Variants in DNAAF5 observed in about 807,000 individuals in gnomAD.
DNAAF5 encodes the protein HEAT repeat containing 2.
Under a neutral mutation model 75.8 loss-of-function variants are expected in DNAAF5, and 64 were observed. The observed-to-expected ratio is 0.84, with a 90% CI of 0.69 to 1.04. DNAAF5 has a LOEUF of 1.04. Ranked by LOEUF, DNAAF5 falls within the 50% of genes least tolerant of loss-of-function variation. The pLI, the probability that DNAAF5 is intolerant of heterozygous loss-of-function variation, is 0.00. For synonymous variants in DNAAF5, 657 were observed against 557.2 expected (o/e 1.18, Z -2.52); for missense variants, 1,269 against 1,178.5 (o/e 1.08, Z -1.12).
intron 2 of DNAAF5, among the ~76,000 whole-genome samples, chr7:731,408 C>T (rs1256260998): frequency 2.0e-5 from 3 of 152,188 alleles, no homozygotes; most frequent in Non-Finnish European, 2.9e-5. Context: ...TAGCTGTAAA[C>T]GGTGTAACTC....
chr7:767,361 C>A (rs4720917), intron 8 of DNAAF5, among the ~76,000 whole-genome samples: 22 of 151,884 alleles, frequency 1.4e-4, no homozygotes, highest in African/African-American at 5.3e-4. Flanking sequence ...CCGTGGGACG[C>A]TGCGCATCTG....
At position 780,096 on chromosome 7, in the gene DNAAF5, C is replaced by A; in HGVS notation, c.2383C>A (p.Leu795Met). The change falls in exon 12 of 13, where the codon CTG becomes ATG. Residue 795 changes from leucine to methionine, a missense_variant. Leu to Met is a conservative substitution (Grantham distance 15). Coordinates refer to ENST00000297440, the MANE Select transcript of DNAAF5 (RefSeq NM_017802.4). Reference sequence around the variant, plus strand: ...TGTCCAGTACCTGTACCGAGAGTTGCTGGTTCACCTTGACGATCCAGAGAG... The same window carrying A: ...TGTCCAGTACCTGTACCGAGAGTTGATGGTTCACCTTGACGATCCAGAGAG... ...SSVQYLYRELLVHLDDPERAI... is the reference protein window; with the variant it reads ...SSVQYLYRELMVHLDDPERAI... The A allele has an allele frequency of 6.2e-7, 1 of 1,614,196 alleles. No individual in the cohort carries two copies. The highest frequency in any genetic ancestry group is 8.5e-7 in the Non-Finnish European group (1 of 1,180,020).
At chr7:747,640 G>T (rs1468760751) in intron 4 of DNAAF5, among the ~76,000 whole-genome samples, 1 of 149,912 alleles carries the variant, frequency 6.7e-6, no homozygotes, top group Non-Finnish European at 1.5e-5. Flanking sequence ...TGCAGTGGTG[G>T]CCCACAGTGT....
At chr7:764,047 A>T in intron 8 of DNAAF5, 73 bp downstream of exon 8, 2 of 1,518,504 alleles carry the variant, frequency 1.3e-6, no homozygotes, top group Non-Finnish European at 1.8e-6. Context: ...CCAGGTGCTC[A>T]GCAGGTACCA....
chr7:779,311 T>A (rs1391511657), intron 11 of DNAAF5, among the ~76,000 whole-genome samples: 1 of 152,182 alleles, frequency 6.6e-6, no homozygotes, highest in East Asian at 1.9e-4. Context: ...CCTCCCAGCG[T>A]CGGGAAGATG....
chr7:762,486 C>T (rs991692301), intron 7 of DNAAF5, among the ~76,000 whole-genome samples: 3 of 142,080 alleles, frequency 2.1e-5, no homozygotes, highest in Non-Finnish European at 3.1e-5. Flanking sequence ...AGCGAGACTC[C>T]GTCCAAAAAA....
intron 4 of DNAAF5, 69 bp downstream of exon 4, chr7:741,534 C>T: frequency 4.1e-6 from 4 of 964,580 alleles, no homozygotes; most frequent in Non-Finnish European, 6.4e-6. Context: ...GGCTTCTGAG[C>T]CTGAAGGAAG....
At chr7:753,253 C>G (rs993351539) in intron 4 of DNAAF5, among the ~76,000 whole-genome samples, 1 of 152,168 alleles carries the variant, frequency 6.6e-6, no homozygotes, top group Non-Finnish European at 1.5e-5. Flanking sequence ...CACAGAGGAG[C>G]GGGCACTAAA....
At position 785,722 on chromosome 7, in the gene DNAAF5, A is replaced by C. The variant is rs1417494009; in HGVS notation, c.*69A>C. The C allele has an allele frequency of 2.7e-3, 4,136 of 1,531,278 alleles. No individual in the cohort carries two copies. Among genetic ancestry groups the C allele is most frequent in the Non-Finnish European group, 3.4e-3 (3,777 of 1,121,202 alleles). 94.9% of individuals were successfully genotyped at this position (1,531,278 alleles called of 1,614,324 possible). A position where few individuals can be genotyped will look rare whatever the true frequency, so the allele number is the denominator to read the frequency against. ...CCAGAGTTTGTGGCCTTTAAATCTC[A>C]TAAACAAGGCACCTCTGTGCCAGCA... is the stretch of plus-strand genomic sequence containing the variant. On this transcript the variant is annotated 3_prime_UTR_variant, in exon 13 of 13. Coordinates refer to ENST00000297440, the MANE Select transcript of DNAAF5 (RefSeq NM_017802.4).
intron 2 of DNAAF5, among the ~76,000 whole-genome samples, chr7:734,941 T>G (rs1781689229): frequency 1.3e-5 from 2 of 149,588 alleles, no homozygotes; most frequent in South Asian, 2.2e-4. Context: ...GTTGCTCATA[T>G]TGTTGCTCAT....
intron 9 of DNAAF5, 59 bp downstream of exon 9, chr7:770,677 A>C: frequency 6.5e-7 from 1 of 1,539,032 alleles, no homozygotes; most frequent in Non-Finnish European, 8.9e-7. Flanking sequence ...AGGGGTCCCC[A>C]TCTCCCTCCC....
intron 12 of DNAAF5, among the ~76,000 whole-genome samples, chr7:782,253 C>CACG (rs1562404142): frequency 6.7e-6 from 1 of 149,976 alleles, no homozygotes; most frequent in Admixed American, 6.6e-5. Flanking sequence ...CTCGGATCTT[C>CACG]GCGGCGTGGC....
At position 726,941 on chromosome 7, in the gene DNAAF5, C is replaced by G; in HGVS notation, c.221C>G (p.Ala74Gly). 1.5e-6 allele frequency: 2 copies of G among 1,339,078 alleles called. No individual in the cohort carries two copies. The highest frequency in any genetic ancestry group is 1.7e-5 in the South Asian group (1 of 59,098). 82.9% of individuals were successfully genotyped at this position (1,339,078 alleles called of 1,614,324 possible). Residue 74 changes from alanine (A) to glycine (G), a missense_variant, in exon 1 of 13, where the codon GCG becomes GGG. By Grantham distance (60) the Ala-to-Gly change is moderately conservative. Transcript: ENST00000297440. Reference protein sequence around the residue: ...ADPTAFQGPWARLLLPRLLRC... With the variant: ...ADPTAFQGPWGRLLLPRLLRC... Reference sequence around the variant, plus strand: ...CCCACCGCTTTCCAGGGCCCCTGGGCGCGCCTACTGCTGCCGCGCTTGCTG... The same window carrying G: ...CCCACCGCTTTCCAGGGCCCCTGGGGGCGCCTACTGCTGCCGCGCTTGCTG...
intron 2 of DNAAF5, among the ~76,000 whole-genome samples, chr7:732,288 G>T (rs1446464914): frequency 6.6e-6 from 1 of 152,232 alleles, no homozygotes; most frequent in Non-Finnish European, 1.5e-5. Context: ...CCAGGACACT[G>T]ACCACACCCA....
chr7:759,528 C>G (rs1336921082), intron 6 of DNAAF5, among the ~76,000 whole-genome samples: 1 of 152,160 alleles, frequency 6.6e-6, no homozygotes. Flanking sequence ...GAATTAAAAA[C>G]CTTTGCAGTC....
chr7:731,206 G>T (rs975085135), intron 2 of DNAAF5, among the ~76,000 whole-genome samples: 2 of 152,162 alleles, frequency 1.3e-5, no homozygotes, highest in African/African-American at 4.8e-5. Flanking sequence ...GACTCTGTAT[G>T]GAGAGCTCTG....
chr7:757,127 C>T (rs1562388515), intron 6 of DNAAF5, 133 bp downstream of exon 6: 1 of 853,110 alleles, frequency 1.2e-6, no homozygotes, highest in African/African-American at 1.7e-5. Context: ...AGCGACGTGT[C>T]TGTGGGTCCG....
At chr7:781,798 G>A (rs922523930) in intron 12 of DNAAF5, among the ~76,000 whole-genome samples, 24 of 152,194 alleles carry the variant, frequency 1.6e-4, no homozygotes, top group African/African-American at 5.3e-4. Flanking sequence ...TGTCTTTTGA[G>A]AGCTGTCTGT....
intron 6 of DNAAF5, among the ~76,000 whole-genome samples, chr7:758,095 C>T (rs935670053): frequency 6.6e-6 from 1 of 152,264 alleles, no homozygotes; most frequent in African/African-American, 2.4e-5. Flanking sequence ...GTGCTCATGG[C>T]ATTTCAGCCA....
Sources: allele counts gnomAD v4.1 joint callset (sites outside exome capture counted in the v4.1 genomes callset), GRCh38; gene constraint gnomAD v4.1.1; transcripts MANE v1.5; gene names NCBI Gene and HGNC (gene_info 2026-07-23, HGNC 2026-07-21).